UGGT1: variants seen among roughly 807,000 people sequenced by gnomAD.
UGGT1 encodes the protein UDP-glucose glycoprotein glucosyltransferase 1.
A neutral mutation model predicts 203.9 loss-of-function variants in UGGT1; 107 were observed. The observed-to-expected ratio is 0.52, with a 90% CI of 0.45 to 0.62. The LOEUF is 0.62. Ranked by LOEUF, UGGT1 falls within the 20% of genes least tolerant of loss-of-function variation. The pLI, the probability that UGGT1 is intolerant of heterozygous loss-of-function variation, is 0.00. For synonymous variants in UGGT1, 628 were observed against 653.5 expected (o/e 0.96, Z 0.59); for missense variants, 1,673 against 1,867.2 (o/e 0.90, Z 1.92).
intron 11 of UGGT1, among the ~76,000 whole-genome samples, chr2:128,124,065 C>G (rs1191052460): frequency 6.6e-6 from 1 of 152,182 alleles, no homozygotes; most frequent in South Asian, 2.1e-4. Flanking sequence ...TCTTCCTCAG[C>G]CTCCCAAGTA....
intron 17 of UGGT1, among the ~76,000 whole-genome samples, chr2:128,144,944 G>A (rs537493173): frequency 6.6e-6 from 1 of 152,164 alleles, no homozygotes; most frequent in African/African-American, 2.4e-5. Context: ...TTTTTACTCT[G>A]AAAAGTTAAT....
At chr2:128,173,637 C>A in intron 29 of UGGT1, 144 bp from the exon 30 acceptor site, 1 of 1,017,526 alleles carries the variant, frequency 9.8e-7, no homozygotes, top group Non-Finnish European at 1.4e-6. Context: ...TGTCATTATA[C>A]TTTTGTCTTT....
At chr2:128,138,344 A>ACT (rs1689240884) in intron 15 of UGGT1, among the ~76,000 whole-genome samples, 1 of 152,166 alleles carries the variant, frequency 6.6e-6, no homozygotes, top group South Asian at 2.1e-4. Context: ...ACATGGTGAA[A>ACT]CCCCATCTCT....
In UGGT1 at chr2:128,155,582, A is replaced by G; in HGVS notation, c.2231A>G (p.Lys744Arg). 5 of 1,610,594 alleles carry G rather than the reference A, an allele frequency of 3.1e-6. No individual in the cohort carries two copies. The East Asian group carries it at 1.1e-4, about 36-fold the overall frequency. The change falls in exon 20 of 41, where the codon AAG becomes AGG. Residue 744 changes from lysine (K) to arginine (R), a missense_variant. Around this residue, in one of 4 missense-constraint regions of UGGT1, gnomAD observed 1,073 missense variants for 1,078.7 expected, o/e 0.99. Coordinates refer to ENST00000259253, the MANE Select transcript of UGGT1 (RefSeq NM_020120.4). ...AVANSMNYLT[K>R]KGMSSKEIYD... ...GCCAATAGTATGAACTATCTGACAA[A>G]GAAAGGTAATCCATTTGAGGCTTAT... is the stretch of plus-strand genomic sequence containing the variant.
At chr2:128,174,061 T>C in intron 30 of UGGT1, 122 bp downstream of exon 30, 1 of 1,215,066 alleles carries the variant, frequency 8.2e-7, no homozygotes, top group Non-Finnish European at 1.1e-6. Flanking sequence ...ATGGGCTGAA[T>C]TTGGTCAATA....
chr2:128,184,405 T>C (rs1691868819), intron 38 of UGGT1, among the ~76,000 whole-genome samples: 1 of 152,170 alleles, frequency 6.6e-6, no homozygotes, highest in Non-Finnish European at 1.5e-5. Context: ...AAGAAAAGTA[T>C]ACAAAAAACA....
chr2:128,127,503 C>T, intron 12 of UGGT1, 51 bp downstream of exon 12: 1 of 1,310,918 alleles, frequency 7.6e-7, no homozygotes, highest in Non-Finnish European at 1.1e-6. Flanking sequence ...TGCGTAGCAC[C>T]TTGTAACATG....
intron 15 of UGGT1, among the ~76,000 whole-genome samples, chr2:128,135,462 T>C (rs1373201642): frequency 6.6e-6 from 1 of 152,264 alleles, no homozygotes; most frequent in Non-Finnish European, 1.5e-5. Flanking sequence ...TTAAAGGTTT[T>C]ACATATAAAT....
chr2:128,121,719 C>G (rs1341739195), intron 10 of UGGT1, among the ~76,000 whole-genome samples: 1 of 152,062 alleles, frequency 6.6e-6, no homozygotes, highest in East Asian at 1.9e-4. Context: ...AATTAAGATT[C>G]TTTATGACCA....
intron 13 of UGGT1, 117 bp from the exon 14 acceptor site, chr2:128,133,024 A>G: frequency 7.7e-7 from 1 of 1,301,606 alleles, no homozygotes; most frequent in Non-Finnish European, 1.1e-6. Context: ...TTATCTTTGA[A>G]AATGGTCTTG....
Position 128,178,675 on chromosome 2 carries a change from T to G in UGGT1, c.3815+106T>G, listed in dbSNP as rs1214965635. 4 of 931,488 alleles carry G rather than the reference T, an allele frequency of 4.3e-6. No individual in the cohort carries two copies. In the Admixed American group the frequency reaches 7.8e-5, roughly 18 times the overall value. 57.7% of individuals were successfully genotyped at this position (931,488 alleles called of 1,614,324 possible). On this transcript the variant is annotated intron_variant, in intron 34 of 40. Transcript: ENST00000259253. ...ATTCTGCTCATTATACTCCTGTGTC[T>G]TTGAAGCACTCTGAGCATTGTGACT...
At chr2:128,115,081 A>C in intron 6 of UGGT1, 43 bp from the exon 7 acceptor site, 1 of 1,577,708 alleles carries the variant, frequency 6.3e-7, no homozygotes, top group Non-Finnish European at 8.7e-7. Flanking sequence ...TGTGACATAG[A>C]AAGAGCTAGG....
intron 2 of UGGT1, among the ~76,000 whole-genome samples, chr2:128,099,093 C>T (rs1159970624): frequency 1.3e-5 from 2 of 152,190 alleles, no homozygotes; most frequent in Non-Finnish European, 2.9e-5. Flanking sequence ...TGTCACATCA[C>T]TCCAATCAGC....
chr2:128,092,676 A>G (rs1381006384), intron 1 of UGGT1, among the ~76,000 whole-genome samples: 3 of 141,332 alleles, frequency 2.1e-5, no homozygotes, highest in Non-Finnish European at 4.5e-5. Flanking sequence ...TGCAAGAGAT[A>G]GTGTTTTAAT....
intron 1 of UGGT1, among the ~76,000 whole-genome samples, chr2:128,094,338 A>T (rs566751866): frequency 2.6e-5 from 4 of 152,160 alleles, no homozygotes; most frequent in African/African-American, 9.6e-5. Flanking sequence ...TGTATTTTTG[A>T]GGCTATTTAA....
At position 128,171,236 on chromosome 2, in the gene UGGT1, G is replaced by A. The variant is rs1691084130; in HGVS notation, c.3056G>A (p.Arg1019Lys). Reference sequence around the variant, plus strand: ...GCTCAGCTGATAAACATGAATCTGAGAGTATTTATGAACTGCCAATCCAAA... The same window carrying A: ...GCTCAGCTGATAAACATGAATCTGAAAGTATTTATGAACTGCCAATCCAAA... ...VLAQLINMNL[R>K]VFMNCQSKLS... The change falls in exon 28 of 41, where the codon AGA becomes AAA. Residue 1019 changes from arginine to lysine, a missense_variant. Around this residue, in one of 4 missense-constraint regions of UGGT1, gnomAD observed 513 missense variants for 684.1 expected, o/e 0.75. Transcript: ENST00000259253. 1.2e-6 allele frequency: 2 copies of A among 1,613,212 alleles called. No individual in the cohort carries two copies. The highest frequency in any genetic ancestry group is 1.7e-5 in the Admixed American group (1 of 59,828).
chr2:128,109,847 G>A, intron 5 of UGGT1, 101 bp downstream of exon 5: 1 of 942,408 alleles, frequency 1.1e-6, no homozygotes, highest in Non-Finnish European at 1.7e-6. Context: ...ATCATTAGGT[G>A]TAATGGTTTA....
At chr2:128,113,399 GTC>G (rs747054313) in intron 6 of UGGT1, 141 bp downstream of exon 6, 3 of 682,862 alleles carry the variant, frequency 4.4e-6, no homozygotes, top group Admixed American at 3.9e-5. Context: ...GTTTCATTGA[GTC>G]TATTATTTGC....
rs769185323 is a variant in UGGT1, at chr2:128,143,236, T to C, written c.1851+11T>C. 23 of 1,612,318 alleles carry C rather than the reference T, an allele frequency of 1.4e-5. No individual in the cohort carries two copies. Among genetic ancestry groups the C allele is most frequent in the Non-Finnish European group, 2.0e-5 (23 of 1,179,260 alleles). On this transcript the variant is annotated intron_variant, in intron 17 of 40. Coordinates refer to ENST00000259253, the MANE Select transcript of UGGT1 (RefSeq NM_020120.4). ...GATCGGAATCGGAAGGTAAAAAATT[T>C]CTTTGTGTTTCTTATTTGATTGCAA...
Sources: allele counts gnomAD v4.1 joint callset (sites outside exome capture counted in the v4.1 genomes callset), GRCh38; gene constraint gnomAD v4.1.1; regional missense constraint gnomAD v4.1.1; transcripts MANE v1.5; gene names NCBI Gene and HGNC (gene_info 2026-07-23, HGNC 2026-07-21).